Variants in UVRAG observed in about 807,000 individuals in gnomAD.
The protein encoded by UVRAG is UV radiation resistance-associated gene protein.
Under a neutral mutation model 78.0 loss-of-function variants are expected in UVRAG, and 19 were observed. The observed-to-expected ratio is 0.24, with a 90% CI of 0.17 to 0.36. The LOEUF (loss-of-function observed/expected upper bound fraction) is 0.36, where lower values mean the gene tolerates loss of function less well. UVRAG is among the 10% of genes least tolerant of loss of function. The pLI, the probability that UVRAG is intolerant of heterozygous loss-of-function variation, is 1.00. For synonymous variants in UVRAG, 323 were observed against 324.6 expected, an observed-to-expected ratio of 1.00 and a Z score of 0.05; for missense variants, 740 against 853.8, an observed-to-expected ratio of 0.87 and a Z score of 1.66.
chr11:76,068,742 CAAATG>C (rs1487202508), intron 13 of UVRAG, among the ~76,000 whole-genome samples: 1 of 152,120 alleles, frequency 6.6e-6, no homozygotes, highest in African/African-American at 2.4e-5. Flanking sequence ...TGATTTGTAA[CAAATG>C]AAAGAACCAT....
intron 14 of UVRAG, chr11:76,137,244 C>T (rs1482259879): frequency 4.6e-6 from 2 of 439,118 alleles, no homozygotes; most frequent in Non-Finnish European, 9.1e-6. Flanking sequence ...ATAGTGGCCA[C>T]TGCGGGCAGG....
At chr11:76,136,697 T>C (rs1952603629) in intron 14 of UVRAG, among the ~76,000 whole-genome samples, 1 of 152,008 alleles carries the variant, frequency 6.6e-6, no homozygotes, top group South Asian at 2.1e-4. Flanking sequence ...AGGGTCTCCC[T>C]ATGTGGCCCA....
At position 76,101,264 on chromosome 11, in the gene UVRAG, T is replaced by C. The variant is rs530513562; in HGVS notation, c.1306-14660T>C. Among the ~76,000 whole-genome samples, 6 of 152,264 alleles carry C rather than the reference T, an allele frequency of 3.9e-5. No homozygotes were observed. In the East Asian group the frequency reaches 1.2e-3, roughly 29 times the overall value. On this transcript the variant is annotated intron_variant, in intron 13 of 14. Coordinates refer to ENST00000356136, the MANE Select transcript of UVRAG (RefSeq NM_003369.4). ...CCTCAACTTTGCCAGCATCTATTTT[T>C]TTTTATTTTTAATAATAGCCATTCT...
chr11:75,972,474 A>C (rs1453064288), intron 7 of UVRAG, among the ~76,000 whole-genome samples: 2 of 151,622 alleles, frequency 1.3e-5, no homozygotes, highest in African/African-American at 4.9e-5. Context: ...CTTTTTTTGC[A>C]TGTGGCGGTC....
chr11:75,964,806 AT>A (rs1948983202), intron 7 of UVRAG, among the ~76,000 whole-genome samples: 2 of 151,966 alleles, frequency 1.3e-5, no homozygotes, highest in Admixed American at 6.6e-5. Context: ...CGTAAGGGTA[AT>A]TTTTTCCCCC....
At chr11:76,035,248 T>A (rs945568301) in intron 12 of UVRAG, among the ~76,000 whole-genome samples, 1 of 152,196 alleles carries the variant, frequency 6.6e-6, no homozygotes, top group Non-Finnish European at 1.5e-5. Context: ...GTGAGAGATA[T>A]AAGAATTTTG....
intron 13 of UVRAG, among the ~76,000 whole-genome samples, chr11:76,070,756 A>G (rs1951289525): frequency 1.3e-5 from 2 of 152,328 alleles, no homozygotes; most frequent in East Asian, 1.9e-4. Context: ...ACAAAAGGAC[A>G]AATATTGTAG....
chr11:75,931,267 A>G (rs1326959668), intron 6 of UVRAG, among the ~76,000 whole-genome samples: 2 of 151,972 alleles, frequency 1.3e-5, no homozygotes, highest in Non-Finnish European at 2.9e-5. Context: ...TGTGCTGGAG[A>G]TACAAATGTC....
intron 5 of UVRAG, among the ~76,000 whole-genome samples, chr11:75,894,937 CAT>C (rs1474321387): frequency 6.6e-6 from 1 of 151,048 alleles, no homozygotes; most frequent in Non-Finnish European, 1.5e-5. Context: ...TAAAAAGAAA[CAT>C]GTAGTGTGGG....
intron 14 of UVRAG, among the ~76,000 whole-genome samples, chr11:76,130,919 G>A (rs955174568): frequency 5.3e-5 from 8 of 150,386 alleles, no homozygotes; most frequent in Non-Finnish European, 1.2e-4. Context: ...CAAAGGCAGA[G>A]GTTTTGGGTT....
At chr11:76,084,220 T>C (rs1591217869) in intron 13 of UVRAG, among the ~76,000 whole-genome samples, 1 of 152,370 alleles carries the variant, frequency 6.6e-6, no homozygotes, top group East Asian at 1.9e-4. Flanking sequence ...GACATTAGTT[T>C]ATATCTCCTT....
At chr11:75,877,335 A>C (rs1946812074) in intron 3 of UVRAG, among the ~76,000 whole-genome samples, 1 of 152,222 alleles carries the variant, frequency 6.6e-6, no homozygotes, top group Middle Eastern at 3.4e-3. Flanking sequence ...CGCCATTGTC[A>C]TCATGGCCCG....
At position 76,065,563 on chromosome 11, in the gene UVRAG, T is replaced by A. The variant is rs1323890236; in HGVS notation, c.1227-147T>A. The A allele has an allele frequency of 1.5e-5, 9 of 609,892 alleles. No homozygotes were observed. In the East Asian group the frequency reaches 2.1e-4, roughly 14 times the overall value. The allele number at this position is 609,892 out of a possible 1,614,324, so 37.8% of individuals were successfully genotyped here. A position where few individuals can be genotyped will look rare whatever the true frequency, so the allele number is the denominator to read the frequency against. ...TGACTTAATTAATATTATGAAGATGTCAGTAGATTGCAATGACTATAGCTA... is the reference window on the plus strand; with the variant it reads ...TGACTTAATTAATATTATGAAGATGACAGTAGATTGCAATGACTATAGCTA... On this transcript the variant is annotated intron_variant, in intron 12 of 14. Coordinates refer to ENST00000356136, the MANE Select transcript of UVRAG (RefSeq NM_003369.4).
intron 6 of UVRAG, among the ~76,000 whole-genome samples, chr11:75,938,559 G>A (rs888790575): frequency 6.6e-6 from 1 of 152,122 alleles, no homozygotes; most frequent in Admixed American, 6.5e-5. Context: ...TACTAGAGCA[G>A]CATCAAGTCC....
chr11:76,126,846 C>A (rs1952407028), intron 14 of UVRAG, among the ~76,000 whole-genome samples: 1 of 152,186 alleles, frequency 6.6e-6, no homozygotes, highest in Admixed American at 6.5e-5. Context: ...CAAGACTTGG[C>A]TCCACAGTTG....
chr11:76,037,607 G>C (rs1950560102), intron 12 of UVRAG, among the ~76,000 whole-genome samples: 1 of 150,472 alleles, frequency 6.6e-6, no homozygotes, highest in South Asian at 2.1e-4. Context: ...AGCTACTCAA[G>C]AGGCTGAGGT....
chr11:75,875,617 CTT>C (rs538320213), intron 3 of UVRAG, among the ~76,000 whole-genome samples: 15 of 135,860 alleles, frequency 1.1e-4, no homozygotes, highest in African/African-American at 1.3e-4. Context: ...GTTTTTAAAC[CTT>C]TTTTTTTTTT....
At chr11:75,968,652 T>G (rs1465996796) in intron 7 of UVRAG, among the ~76,000 whole-genome samples, 1 of 152,234 alleles carries the variant, frequency 6.6e-6, no homozygotes, top group Non-Finnish European at 1.5e-5. Flanking sequence ...TCTCAGTATG[T>G]ACCCTGGAAT....
chr11:75,892,394 G>A (rs760404028), intron 5 of UVRAG: 1 of 985,390 alleles, frequency 1.0e-6, no homozygotes, highest in African/African-American at 1.7e-5. Context: ...GGAATGCAGA[G>A]TAAGTGTTTC....
Sources: allele counts gnomAD v4.1 joint callset (sites outside exome capture counted in the v4.1 genomes callset), GRCh38; gene constraint gnomAD v4.1.1; transcripts MANE v1.5; gene names NCBI Gene and HGNC (gene_info 2026-07-23, HGNC 2026-07-21).